Variants in HIVEP1 observed in about 807,000 individuals in gnomAD.
The protein encoded by HIVEP1 is HIVEP zinc finger 1.
HIVEP1 carries 36 observed loss-of-function variants against 180.0 expected under a neutral mutation model. The observed-to-expected ratio is 0.20, with a 90% confidence interval of 0.15 to 0.26. The LOEUF is 0.26. Ranked by LOEUF, HIVEP1 falls within the 10% of genes least tolerant of loss-of-function variation. HIVEP1 has a pLI of 1.00. For missense variants in HIVEP1, 3,143 were observed against 3,268.7 expected (o/e 0.96, Z 0.94); for synonymous variants, 1,239 against 1,239.0 (o/e 1.00, Z 0.00).
At chr6:12,179,021 G>A in the HIVEP1 span, among the ~76,000 whole-genome samples, 2 of 152,198 alleles carry the variant, frequency 1.3e-5, no homozygotes, top group Non-Finnish European at 2.9e-5. Context: ...TAAAAATATA[G>A]AAAGATATAA....
chr6:12,108,671 C>T (rs866064904), intron 3 of HIVEP1, among the ~76,000 whole-genome samples: 30 of 152,270 alleles, frequency 2.0e-4, no homozygotes, highest in African/African-American at 6.5e-4. Context: ...CAGGGCCGGC[C>T]GGCTGCTCCG....
chr6:12,091,444 C>T (rs917335795), intron 3 of HIVEP1, among the ~76,000 whole-genome samples: 1 of 152,076 alleles, frequency 6.6e-6, no homozygotes, highest in Non-Finnish European at 1.5e-5. Context: ...TTCTCCCTTT[C>T]TCTCTTTTTT....
At chr6:12,020,786 G>A (rs1172787437) in intron 2 of HIVEP1, among the ~76,000 whole-genome samples, 1 of 152,018 alleles carries the variant, frequency 6.6e-6, no homozygotes, top group Middle Eastern at 3.4e-3. Flanking sequence ...AAAATTTGGT[G>A]TAGCTGTTTT....
At chr6:12,208,061 T>C in the HIVEP1 span, among the ~76,000 whole-genome samples, 3 of 152,186 alleles carry the variant, frequency 2.0e-5, no homozygotes, top group African/African-American at 7.2e-5. Flanking sequence ...ATAGACAGTT[T>C]ACTTCTTAAA....
At chr6:12,119,828 A>G (rs1775449224) in intron 3 of HIVEP1, 62 bp from the exon 4 acceptor site, 1 of 1,081,892 alleles carries the variant, frequency 9.2e-7, no homozygotes, top group Non-Finnish European at 1.3e-6. Context: ...AATTTTCAAA[A>G]AATTATAGTT....
chr6:12,191,430 A>C, the HIVEP1 span, among the ~76,000 whole-genome samples: 2 of 151,882 alleles, frequency 1.3e-5, no homozygotes, highest in African/African-American at 4.8e-5. Context: ...ACTCTACAAA[A>C]ACTTTTTAAA....
At chr6:12,157,630 A>G (rs1562010121) in intron 7 of HIVEP1, among the ~76,000 whole-genome samples, 1 of 152,132 alleles carries the variant, frequency 6.6e-6, no homozygotes, top group Non-Finnish European at 1.5e-5. Flanking sequence ...CGCACAGTAC[A>G]TTGTTTTACA....
the HIVEP1 span, among the ~76,000 whole-genome samples, chr6:12,195,967 C>T: frequency 2.6e-5 from 4 of 152,298 alleles, no homozygotes; most frequent in South Asian, 2.1e-4. Flanking sequence ...ACCATAAACA[C>T]AGGGTAAGGG....
chr6:12,055,071 G>C (rs1423435512), intron 2 of HIVEP1, among the ~76,000 whole-genome samples: 1 of 152,148 alleles, frequency 6.6e-6, no homozygotes, highest in African/African-American at 2.4e-5. Flanking sequence ...ATAATACTAA[G>C]TAATTAATAC....
chr6:12,110,935 C>T (rs543472445), intron 3 of HIVEP1, among the ~76,000 whole-genome samples: 29 of 152,146 alleles, frequency 1.9e-4, no homozygotes, highest in Admixed American at 1.8e-3. Flanking sequence ...CTTAGAGGCC[C>T]TTGTAGGCTT....
At chr6:12,046,509 G>A (rs1016637434) in intron 2 of HIVEP1, among the ~76,000 whole-genome samples, 2 of 152,148 alleles carry the variant, frequency 1.3e-5, no homozygotes, top group Admixed American at 6.5e-5. Flanking sequence ...GGCCAGGTGC[G>A]GTGGCTCACG....
chr6:12,178,337 C>A, the HIVEP1 span, among the ~76,000 whole-genome samples: 2 of 152,170 alleles, frequency 1.3e-5, no homozygotes, highest in Non-Finnish European at 2.9e-5. Flanking sequence ...ACCTATAATT[C>A]CAACACTTTG....
intron 2 of HIVEP1, among the ~76,000 whole-genome samples, chr6:12,054,763 T>C (rs1041599914): frequency 2.0e-5 from 3 of 152,248 alleles, no homozygotes; most frequent in African/African-American, 7.2e-5. Flanking sequence ...TTTCATGACA[T>C]AGCATATTAT....
intron 2 of HIVEP1, among the ~76,000 whole-genome samples, chr6:12,080,418 C>G (rs1196868722): frequency 6.6e-6 from 1 of 152,096 alleles, no homozygotes; most frequent in African/African-American, 2.4e-5. Flanking sequence ...GGGTGGTGGT[C>G]TCACAAGGCT....
At chr6:12,041,841 A>G (rs1250975414) in intron 2 of HIVEP1, among the ~76,000 whole-genome samples, 1 of 120,632 alleles carries the variant, frequency 8.3e-6, no homozygotes, top group East Asian at 2.9e-4. Context: ...TTGTATTTTT[A>G]GTAGAAACGG....
chr6:12,018,280 C>T (rs553680446), intron 2 of HIVEP1, among the ~76,000 whole-genome samples: 1 of 152,336 alleles, frequency 6.6e-6, no homozygotes, highest in South Asian at 2.1e-4. Context: ...TCCACACCTC[C>T]CTGCAAGCTG....
chr6:12,083,494 A>G (rs564895682), intron 2 of HIVEP1, among the ~76,000 whole-genome samples: 20 of 152,272 alleles, frequency 1.3e-4, no homozygotes, highest in Non-Finnish European at 1.9e-4. Context: ...TGATGTGGAA[A>G]GCAAGCAAAC....
Position 12,121,226 on chromosome 6 carries a change from C to T in HIVEP1, c.1431C>T (p.His477=), listed in dbSNP as rs374499754. The change falls in exon 4 of 9, where the codon CAC becomes CAT. Residue 477 remains histidine (H), a synonymous_variant. Transcript: ENST00000379388. This position sits in a 1 kb window ranked among gnomAD's most constrained non-coding sequence, Gnocchi z 5.3. ...QPDAGGLFLS[H]ESPKALSIHS... Reference sequence around the variant, plus strand: ...ATGCTGGTGGCTTGTTCTTGTCCCACGAGTCCCCCAAAGCACTTAGTATTC... The same window carrying T: ...ATGCTGGTGGCTTGTTCTTGTCCCATGAGTCCCCCAAAGCACTTAGTATTC... 78 of 1,613,984 alleles carry T rather than the reference C, an allele frequency of 4.8e-5. No homozygotes were observed. Among genetic ancestry groups the T allele is most frequent in the Non-Finnish European group, 5.7e-5 (67 of 1,180,020 alleles).
At chr6:12,051,600 A>G (rs558508938) in intron 2 of HIVEP1, among the ~76,000 whole-genome samples, 5 of 152,028 alleles carry the variant, frequency 3.3e-5, no homozygotes, top group Admixed American at 6.6e-5. Flanking sequence ...ATTAAATATA[A>G]TATATAGATA....
Sources: gnomAD v4.1 joint callset for allele counts (sites outside exome capture counted in the v4.1 genomes callset) on GRCh38, gnomAD v4.1.1 for gene constraint, Gnocchi (gnomAD v3.1) non-coding constraint, MANE v1.5 for transcripts, NCBI Gene and HGNC (gene_info 2026-07-23, HGNC 2026-07-21) for gene names.